Variants in GRM5 observed in about 807,000 individuals in gnomAD.
GRM5 encodes the protein metabotropic glutamate receptor 5.
In GRM5, 19 loss-of-function variants were observed where a neutral mutation model predicts 83.1. The ratio of observed to expected loss-of-function variants is 0.23; its 90% CI spans 0.16 to 0.34. GRM5 has a LOEUF of 0.34. GRM5 is among the 10% of genes least tolerant of loss of function. The probability of loss-of-function intolerance (pLI) is 1.00; values close to 1 mark genes in which losing one functional copy is unlikely to be tolerated. For missense variants in GRM5, 1,160 were observed against 1,588.3 expected (o/e 0.73, Z 4.58); for synonymous variants, 675 against 633.6 (o/e 1.07, Z -0.98).
chr11:89,014,108 A>G (rs780558484), intron 2 of GRM5, among the ~76,000 whole-genome samples: 15 of 152,176 alleles, frequency 9.9e-5, no homozygotes, highest in Middle Eastern at 3.2e-3. Context: ...ACATACATAT[A>G]CACAAACATA....
intron 5 of GRM5, among the ~76,000 whole-genome samples, chr11:88,603,291 G>A (rs1938049219): frequency 1.3e-5 from 2 of 152,142 alleles, no homozygotes; most frequent in South Asian, 4.1e-4. Flanking sequence ...AATGGTTTGG[G>A]TACCTGATAT....
Position 89,047,846 on chromosome 11 carries a change from G to A in GRM5, c.27C>T (p.Val9=), listed in dbSNP as rs546670889. Residue 9 remains valine, a synonymous_variant, in exon 2 of 10, where the codon GTC becomes GTT. Transcript: ENST00000305447. This position sits in a 1 kb window ranked among gnomAD's most constrained non-coding sequence, Gnocchi z 5.1. MVLLLILS[V]LLLKEDVRGS... ...CACGGACATCTTCTTTCAAAAGTAA[G>A]ACTGACAGGATCAACAGAAGGACCA... 2 of 1,613,924 alleles carry A rather than the reference G, an allele frequency of 1.2e-6. No homozygotes were observed. The highest frequency in any genetic ancestry group is 1.7e-6 in the Non-Finnish European group (2 of 1,179,844).
At chr11:88,760,923 G>C (rs1050570406) in intron 3 of GRM5, among the ~76,000 whole-genome samples, 1 of 151,920 alleles carries the variant, frequency 6.6e-6, no homozygotes, top group Non-Finnish European at 1.5e-5. Context: ...CAATAAACAT[G>C]ATGAGCCACA....
At chr11:89,042,645 A>G (rs1169444485) in intron 2 of GRM5, among the ~76,000 whole-genome samples, 1 of 152,128 alleles carries the variant, frequency 6.6e-6, no homozygotes, top group African/African-American at 2.4e-5. Flanking sequence ...CTTCCACAGT[A>G]CCATTTATTA....
At chr11:88,871,549 A>T (rs556089726) in intron 2 of GRM5, among the ~76,000 whole-genome samples, 2 of 151,604 alleles carry the variant, frequency 1.3e-5, no homozygotes, top group Non-Finnish European at 3.0e-5. Context: ...AGTAGAGCAT[A>T]AATCAGACTT....
At chr11:88,840,786 T>C (rs1944184680) in intron 3 of GRM5, among the ~76,000 whole-genome samples, 1 of 152,170 alleles carries the variant, frequency 6.6e-6, no homozygotes, top group Non-Finnish European at 1.5e-5. Flanking sequence ...ATTAGAGACT[T>C]TGTGTCTGGA....
chr11:88,696,024 T>C (rs1390600259), intron 3 of GRM5, among the ~76,000 whole-genome samples: 2 of 152,186 alleles, frequency 1.3e-5, no homozygotes, highest in Non-Finnish European at 2.9e-5. Context: ...TTCTGTATCC[T>C]GGATTCTTGC....
chr11:88,820,985 T>G (rs1416062541), intron 3 of GRM5, among the ~76,000 whole-genome samples: 1 of 152,202 alleles, frequency 6.6e-6, no homozygotes, highest in Non-Finnish European at 1.5e-5. Context: ...TTTATTCTGA[T>G]GTATAAGACA....
chr11:88,989,486 G>A (rs945664188), intron 2 of GRM5, among the ~76,000 whole-genome samples: 4 of 122,386 alleles, frequency 3.3e-5, no homozygotes, highest in African/African-American at 1.2e-4. Context: ...CCCAGGAATT[G>A]AACTCAGCTC....
chr11:88,686,035 T>C (rs1940613454), intron 3 of GRM5, among the ~76,000 whole-genome samples: 1 of 151,990 alleles, frequency 6.6e-6, no homozygotes, highest in Non-Finnish European at 1.5e-5. Context: ...CCCAGAATGG[T>C]AGATCCACCG....
intron 2 of GRM5, among the ~76,000 whole-genome samples, chr11:88,901,935 G>T (rs376164051): frequency 6.6e-6 from 1 of 152,116 alleles, no homozygotes; most frequent in Non-Finnish European, 1.5e-5. Flanking sequence ...ATAGTTGAGC[G>T]AGGTTTTTCC....
At chr11:89,033,890 G>A (rs1163548183) in intron 2 of GRM5, among the ~76,000 whole-genome samples, 12 of 151,598 alleles carry the variant, frequency 7.9e-5, no homozygotes, top group African/African-American at 2.9e-4. Context: ...ATAAGATTGA[G>A]AATTTCAAAA....
At chr11:88,779,420 G>A (rs1942928435) in intron 3 of GRM5, among the ~76,000 whole-genome samples, 1 of 152,142 alleles carries the variant, frequency 6.6e-6, no homozygotes, top group Non-Finnish European at 1.5e-5. Flanking sequence ...GCTGGGTTTA[G>A]AGGATCATAC....
chr11:88,761,563 A>C (rs1423799742), intron 3 of GRM5, among the ~76,000 whole-genome samples: 1 of 152,150 alleles, frequency 6.6e-6, no homozygotes, highest in Non-Finnish European at 1.5e-5. Context: ...TGACACAAAC[A>C]AATGAAAAAT....
intron 3 of GRM5, among the ~76,000 whole-genome samples, chr11:88,768,801 A>G (rs1400228708): frequency 6.6e-6 from 1 of 151,944 alleles, no homozygotes. Context: ...GATGGACCAA[A>G]GGATACAGAC....
chr11:88,866,163 T>A (rs893447704), intron 2 of GRM5, among the ~76,000 whole-genome samples: 6 of 152,160 alleles, frequency 3.9e-5, no homozygotes, highest in African/African-American at 1.4e-4. Context: ...CAAATGTCCA[T>A]CAGTGATAGA....
chr11:88,898,275 A>G (rs1945264792), intron 2 of GRM5, among the ~76,000 whole-genome samples: 1 of 151,940 alleles, frequency 6.6e-6, no homozygotes, highest in African/African-American at 2.4e-5. Flanking sequence ...TAACTCGATT[A>G]ATAATAATAA....
At chr11:88,860,051 GGAGAAACTTCAGA>G (rs1301036142) in intron 2 of GRM5, among the ~76,000 whole-genome samples, 5 of 151,966 alleles carry the variant, frequency 3.3e-5, no homozygotes, top group Admixed American at 1.3e-4. Flanking sequence ...TGCTGAAGAG[GGAGAAACTTCAGA>G]GAGACCATAG....
At position 88,925,612 on chromosome 11, in the gene GRM5, C is replaced by T. The variant is rs59078180; in HGVS notation, c.662-75457G>A. Among the ~76,000 whole-genome samples the T allele has an allele frequency of 7.8e-3, 1,192 of 152,204 alleles. 18 individuals are homozygous for T. Among genetic ancestry groups the T allele is most frequent in the African/African-American group, 0.027 (1,129 of 41,532 alleles). ...AATCAAAAAGCACCTCAAGAGTGTT[C>T]TAAGATGTGGCACTGGCCGGGTGCT... On this transcript the variant is annotated intron_variant, in intron 2 of 9. Coordinates refer to ENST00000305447, the MANE Select transcript of GRM5 (RefSeq NM_001143831.3).
Sources: allele counts gnomAD v4.1 joint callset (sites outside exome capture counted in the v4.1 genomes callset), GRCh38; gene constraint gnomAD v4.1.1; non-coding constraint Gnocchi (gnomAD v3.1); transcripts MANE v1.5; gene names NCBI Gene and HGNC (gene_info 2026-07-23, HGNC 2026-07-21).